Variants in KIAA1217 observed in about 807,000 individuals in gnomAD.
KIAA1217 encodes the protein sickle tail protein homolog.
KIAA1217 carries 88 observed loss-of-function variants against 163.9 expected under a neutral mutation model. The observed-to-expected ratio is 0.54, with a 90% confidence interval of 0.45 to 0.64. The LOEUF (loss-of-function observed/expected upper bound fraction) is 0.64, where lower values mean the gene tolerates loss of function less well. KIAA1217 is among the 30% of genes least tolerant of loss of function. KIAA1217 has a pLI of 0.00. For missense variants in KIAA1217, 2,372 were observed against 2,475.0 expected, an observed-to-expected ratio of 0.96 and a Z score of 0.88; for synonymous variants, 903 against 923.1, an observed-to-expected ratio of 0.98 and a Z score of 0.39.
At position 23,760,784 on chromosome 10, in the gene KIAA1217, T is replaced by A. The variant is rs1054284871; in HGVS notation, c.-321+65550T>A. Among the ~76,000 whole-genome samples, 21 of 152,034 alleles carry A rather than the reference T, an allele frequency of 1.4e-4. 1 individual carries two copies. The highest frequency in any genetic ancestry group is 5.1e-4 in the African/African-American group (21 of 41,488). ...AGCAAGACCCTGTCTCTGCAAAAAA[T>A]TTTAAAAGATAAGAAAAGAACAAGT... On this transcript the variant is annotated intron_variant, in intron 1 of 18. Transcript: ENST00000376462.
At chr10:23,758,712 A>T (rs1183918087) in intron 1 of KIAA1217, among the ~76,000 whole-genome samples, 5 of 63,582 alleles carry the variant, frequency 7.9e-5, no homozygotes, top group South Asian at 4.6e-4. Flanking sequence ...TTGTTTCAGA[A>T]TTTTGCTCTT....
Position 24,214,949 on chromosome 10 carries a change from C to A in KIAA1217, c.71-4677C>A, listed in dbSNP as rs552450577. On this transcript the variant is annotated intron_variant, in intron 1 of 20. Transcript: ENST00000376454. ...GTCAGCTGACCCAGCCAGAGTAACC[C>A]GAGTTGTGGCAAAGAAGCTGGCCTT... 2.5e-3 allele frequency among the ~76,000 whole-genome samples: 384 copies of A among 152,300 alleles called. 2 individuals are homozygous for A. The highest frequency in any genetic ancestry group is 1.7e-3 in the South Asian group (8 of 4,828).
intron 2 of KIAA1217, among the ~76,000 whole-genome samples, chr10:24,282,500 C>T (rs1196327041): frequency 1.3e-5 from 2 of 152,144 alleles, no homozygotes; most frequent in Admixed American, 6.5e-5. Context: ...TTCAATCATT[C>T]GTTTATAACA....
Position 24,397,108 on chromosome 10 carries a change from C to CTTT in KIAA1217, c.553+16060_553+16062dup, listed in dbSNP as rs34660362. 6.8e-3 allele frequency among the ~76,000 whole-genome samples: 774 copies of CTTT among 114,640 alleles called. 22 individuals are homozygous for CTTT. The highest frequency in any genetic ancestry group is 0.02 in the African/African-American group (610 of 30,136). The allele number at this position is 114,640 out of a possible 152,430, so 75.2% of individuals were successfully genotyped here. A position where few individuals can be genotyped will look rare whatever the true frequency, so the allele number is the denominator to read the frequency against. On this transcript the variant is annotated intron_variant, in intron 3 of 20. Coordinates refer to ENST00000376454, the MANE Select transcript of KIAA1217 (RefSeq NM_019590.5). ...GGAGAAGGCATAGATGTAAGAAACT[C>CTTT]TTTTTTTTTTTTTTTTTTTTTGAGA... is the stretch of plus-strand genomic sequence containing the variant.
intron 1 of KIAA1217, among the ~76,000 whole-genome samples, chr10:23,863,558 C>A (rs1050383028): frequency 6.6e-6 from 1 of 152,120 alleles, no homozygotes; most frequent in African/African-American, 2.4e-5. Context: ...TGTGAGGAGG[C>A]GCAAGAAGGT....
At chr10:24,385,896 T>G (rs544533517) in intron 3 of KIAA1217, among the ~76,000 whole-genome samples, 2 of 152,304 alleles carry the variant, frequency 1.3e-5, no homozygotes, top group Admixed American at 6.5e-5. Flanking sequence ...TGGAGTAGTT[T>G]CCTTTTAATC....
intron 2 of KIAA1217, among the ~76,000 whole-genome samples, chr10:24,177,258 CAT>C (rs1210930891): frequency 0.011 from 278 of 25,136 alleles, 3 homozygotes; most frequent in Admixed American, 0.019. Flanking sequence ...CTCTCACCAT[CAT>C]ATATATATAT....
At chr10:24,484,241 A>ATTT (rs59233394) in intron 6 of KIAA1217, among the ~76,000 whole-genome samples, 117 of 75,156 alleles carry the variant, frequency 1.6e-3, no homozygotes, top group Non-Finnish European at 2.0e-3. Flanking sequence ...ATATATATAT[A>ATTT]TTTTTTTTTT....
chr10:23,916,095 T>C (rs1842623897), intron 1 of KIAA1217, among the ~76,000 whole-genome samples: 1 of 152,220 alleles, frequency 6.6e-6, no homozygotes, highest in South Asian at 2.1e-4. Flanking sequence ...TCCGGTTGCA[T>C]ATGCCACAGT....
intron 1 of KIAA1217, among the ~76,000 whole-genome samples, chr10:23,989,575 A>G (rs1481392650): frequency 6.6e-6 from 1 of 152,190 alleles, no homozygotes; most frequent in Non-Finnish European, 1.5e-5. Flanking sequence ...GGAGGATCAG[A>G]GAGACTTTTT....
intron 5 of KIAA1217, among the ~76,000 whole-genome samples, chr10:24,458,194 C>T: frequency 6.6e-6 from 1 of 152,206 alleles, no homozygotes; most frequent in Admixed American, 6.5e-5. Context: ...GTTATTTATC[C>T]AAATAAGGAG....
intron 2 of KIAA1217, among the ~76,000 whole-genome samples, chr10:24,296,120 T>G (rs2040571462): frequency 6.6e-6 from 1 of 152,134 alleles, no homozygotes; most frequent in Non-Finnish European, 1.5e-5. Context: ...TTTTTCTTTT[T>G]GGAGACAGGG....
chr10:24,098,818 GA>G (rs922958428), intron 2 of KIAA1217, among the ~76,000 whole-genome samples: 1 of 150,012 alleles, frequency 6.7e-6, no homozygotes, highest in Non-Finnish European at 1.5e-5. Context: ...CCCTGTCTCT[GA>G]AAAAAAAAGT....
At chr10:24,358,769 T>C (rs183482401) in intron 2 of KIAA1217, among the ~76,000 whole-genome samples, 218 of 152,330 alleles carry the variant, frequency 1.4e-3, no homozygotes, top group African/African-American at 5.0e-3. Flanking sequence ...TTGTTTATTT[T>C]TTGCATTGCA....
intron 2 of KIAA1217, among the ~76,000 whole-genome samples, chr10:24,249,144 A>G (rs1185749294): frequency 6.6e-6 from 1 of 152,184 alleles, no homozygotes; most frequent in Non-Finnish European, 1.5e-5. Context: ...CTCAAAAGCT[A>G]CTTTTGAAAC....
chr10:24,383,928 C>G (rs998511675), intron 3 of KIAA1217, among the ~76,000 whole-genome samples: 4 of 152,240 alleles, frequency 2.6e-5, no homozygotes, highest in Non-Finnish European at 5.9e-5. Context: ...TCCCAGGGGC[C>G]TTGCTCAGCT....
intron 2 of KIAA1217, among the ~76,000 whole-genome samples, chr10:24,178,813 G>A (rs2066032410): frequency 6.6e-6 from 1 of 152,088 alleles, no homozygotes. Flanking sequence ...GCAACATACA[G>A]GAAGACTATG....
At chr10:24,068,382 A>G (rs888036541) in intron 2 of KIAA1217, among the ~76,000 whole-genome samples, 1 of 152,174 alleles carries the variant, frequency 6.6e-6, no homozygotes, top group African/African-American at 2.4e-5. Flanking sequence ...TTGTTTATGT[A>G]CTGTTCTACT....
intron 5 of KIAA1217, among the ~76,000 whole-genome samples, chr10:24,454,863 GA>G (rs3045779): frequency 3.3e-3 from 469 of 143,550 alleles, no homozygotes; most frequent in African/African-American, 5.8e-3. Context: ...TAACTGCAAG[GA>G]AAAAAAAAAA....
Sources: allele counts gnomAD v4.1 joint callset (sites outside exome capture counted in the v4.1 genomes callset), GRCh38; gene constraint gnomAD v4.1.1; transcripts MANE v1.5; gene names NCBI Gene and HGNC (gene_info 2026-07-23, HGNC 2026-07-21).